The following CDKL5 variants were observed in gnomAD, a reference collection of about 807,000 sequenced individuals.
CDKL5 encodes cyclin dependent kinase like 5.
CDKL5 carries 8 observed loss-of-function variants against 61.7 expected under a neutral mutation model. The observed-to-expected ratio is 0.13, with a 90% CI of 0.08 to 0.23. CDKL5 has a LOEUF of 0.23. Among genes scored for constraint, CDKL5 ranks in the 10% least tolerant of loss-of-function variants. The probability of loss-of-function intolerance (pLI) is 1.00; values close to 1 mark genes in which losing one functional copy is unlikely to be tolerated. For missense variants in CDKL5, 440 were observed against 734.5 expected (o/e 0.60, Z 4.63); for synonymous variants, 275 against 272.3 (o/e 1.01, Z -0.10).
intron 1 of CDKL5, among the ~76,000 whole-genome samples, chrX:18,472,937 G>T (rs1921152525): frequency 9.2e-6 from 1 of 108,341 alleles, no homozygotes; most frequent in African/African-American, 3.4e-5. Context: ...CCTCTCTAGG[G>T]TTGGAGAATC....
intron 5 of CDKL5, among the ~76,000 whole-genome samples, chrX:18,577,855 T>A (rs1230867471): frequency 8.9e-6 from 1 of 112,311 alleles, no homozygotes; most frequent in Non-Finnish European, 1.9e-5. Flanking sequence ...CACCTGTGCA[T>A]TTGGGACCAT....
chrX:18,603,736 C>T lies in CDKL5; in HGVS notation c.978-166C>T, dbSNP rs186317663. ...TTACAGAGTGAGTTGGTCTAAGAAA[C>T]TTAATTGCTGTTGATAGGTTACTTG... On this transcript the variant is annotated intron_variant, in intron 11 of 17. Transcript: ENST00000623535. Among the ~76,000 whole-genome samples the T allele has an allele frequency of 6.2e-5, 7 of 112,507 alleles. No individual in the cohort carries two copies. The East Asian group carries it at 1.7e-3, about 27-fold the overall frequency.
chrX:18,644,663 T>C (rs1230245279), downstream of CDKL5: 2 of 1,176,872 alleles, frequency 1.7e-6, no homozygotes, highest in African/African-American at 3.6e-5. Flanking sequence ...AGACTCCCCC[T>C]GTGCATGTCT....
intron 1 of CDKL5, among the ~76,000 whole-genome samples, chrX:18,470,396 G>GAAAAGAAAAAAAAAAAAAAAA (rs1921050574): frequency 1.1e-5 from 1 of 94,978 alleles, no homozygotes; most frequent in Non-Finnish European, 2.1e-5. Context: ...AAAAAAAGAA[G>GAAAAGAAAAAAAAAAAAAAAA]TAAATGGATG....
rs1491242962 is a variant in CDKL5, at chrX:18,651,264, T to TGTGTGAGAGA, written c.2980+673_2980+674insTGTGAGAGAG. On this transcript the variant is annotated intron_variant, in intron 21 of 21. Coordinates refer to the CDKL5 transcript ENST00000379989. ...GTGTGTGTGTGTGTGTGTGTGTGTG[T>TGTGTGAGAGA]GAGAGAGAGAGAGAGAGAGAGAGAC... Among the ~76,000 whole-genome samples the TGTGTGAGAGA allele has an allele frequency of 1.4e-3, 100 of 69,012 alleles. 2 individuals are homozygous for TGTGTGAGAGA. Among genetic ancestry groups the TGTGTGAGAGA allele is most frequent in the African/African-American group, 6.1e-3 (98 of 15,979 alleles). The allele number at this position is 69,012 out of a possible 115,157, so 59.9% of individuals were successfully genotyped here. A position where few individuals can be genotyped will look rare whatever the true frequency, so the allele number is the denominator to read the frequency against.
intron 3 of CDKL5, among the ~76,000 whole-genome samples, chrX:18,543,479 G>T (rs1924094154): frequency 9.1e-6 from 1 of 110,237 alleles, no homozygotes; most frequent in Non-Finnish European, 1.9e-5. Flanking sequence ...CACGGTCAAG[G>T]ATTTTTAGTC....
chrX:18,609,410 G>A (rs1204448776), intron 13 of CDKL5, 55 bp from the exon 14 acceptor site: 16 of 1,208,309 alleles, frequency 1.3e-5, no homozygotes, highest in Non-Finnish European at 1.8e-5. Flanking sequence ...AAAGTCATAG[G>A]CAATATTGTC....
intron 3 of CDKL5, among the ~76,000 whole-genome samples, chrX:18,561,974 A>G (rs188130080): frequency 4.6e-4 from 52 of 111,912 alleles, no homozygotes; most frequent in Non-Finnish European, 8.3e-4. Context: ...GTAATAATTT[A>G]TATTCAACAA....
intron 3 of CDKL5, among the ~76,000 whole-genome samples, chrX:18,563,681 C>A (rs1314998568): frequency 9.0e-6 from 1 of 111,497 alleles, no homozygotes; most frequent in Non-Finnish European, 1.9e-5. Context: ...AAAGAACAGG[C>A]CTGAGTCATT....
At position 18,619,863 on chromosome X, in the gene CDKL5, T is replaced by C. The variant is rs1064794369; in HGVS notation, c.2277-4T>C. On this transcript the variant is annotated splice_region_variant and splice_polypyrimidine_tract_variant and intron_variant, in intron 15 of 17. Coordinates refer to ENST00000623535, the MANE Select transcript of CDKL5 (RefSeq NM_001323289.2). Reference sequence around the variant, plus strand: ...CAATATGATAAAAATGTCTTCTCATTTAGGAAAAGTCCTGAAAATATTAGT... The same window carrying C: ...CAATATGATAAAAATGTCTTCTCATCTAGGAAAAGTCCTGAAAATATTAGT... 7.1e-6 allele frequency: 8 copies of C among 1,129,352 alleles called. No individual in the cohort carries two copies. Among genetic ancestry groups the C allele is most frequent in the Non-Finnish European group, 9.7e-6 (8 of 824,327 alleles). 93.1% of individuals were successfully genotyped at this position (1,129,352 alleles called of 1,213,427 possible).
At chrX:18,437,533 GT>G (rs1215231975) in intron 1 of CDKL5, among the ~76,000 whole-genome samples, 1 of 111,960 alleles carries the variant, frequency 8.9e-6, no homozygotes, top group Non-Finnish European at 1.9e-5. Flanking sequence ...CTTAGATCTA[GT>G]TTAATATTTC....
chrX:18,451,783 AC>A (rs751110354), intron 1 of CDKL5, among the ~76,000 whole-genome samples: 1 of 110,315 alleles, frequency 9.1e-6, no homozygotes, highest in East Asian at 2.9e-4. Context: ...AAAATGATCC[AC>A]TTGCCTCGGC....
At chrX:18,560,718 T>C (rs1924772663) in intron 3 of CDKL5, among the ~76,000 whole-genome samples, 1 of 110,709 alleles carries the variant, frequency 9.0e-6, no homozygotes, top group African/African-American at 3.3e-5. Context: ...ACGTTTAAGG[T>C]TGCTATAAGA....
In CDKL5 at chrX:18,546,022, G is replaced by C. The variant is rs1190337022; in HGVS notation, c.100-18455G>C. Among the ~76,000 whole-genome samples the C allele has an allele frequency of 2.7e-5, 3 of 110,961 alleles. No individual in the cohort carries two copies. In the East Asian group the frequency reaches 8.5e-4, roughly 31 times the overall value. On this transcript the variant is annotated intron_variant, in intron 3 of 17. Coordinates refer to ENST00000623535, the MANE Select transcript of CDKL5 (RefSeq NM_001323289.2). ...TCCTGTTGGTTGTTTGGGGTAAAGG[G>C]TGAGAAGGGCATGATCAGTGATTAC... is the stretch of plus-strand genomic sequence containing the variant.
chrX:18,512,468 G>A lies in CDKL5; in HGVS notation c.99+1614G>A, dbSNP rs186986127. On this transcript the variant is annotated intron_variant, in intron 3 of 17. Coordinates refer to ENST00000623535, the MANE Select transcript of CDKL5 (RefSeq NM_001323289.2). ...AATACTACCTGCCTTTTGAATTTAA[G>A]CCTTCGTGACACTTAATATATTTTT... 5.8e-3 allele frequency among the ~76,000 whole-genome samples: 645 copies of A among 110,925 alleles called. 8 individuals carry two copies. Among genetic ancestry groups the A allele is most frequent in the African/African-American group, 0.019 (595 of 30,718 alleles).
At chrX:18,602,160 G>A (rs747587284) in intron 11 of CDKL5, among the ~76,000 whole-genome samples, 12 of 111,961 alleles carry the variant, frequency 1.1e-4, no homozygotes, top group South Asian at 7.5e-4. Flanking sequence ...GCTAGGAAGC[G>A]TGGGTGACAA....
chrX:18,602,158 G>C (rs1435715909), intron 11 of CDKL5, among the ~76,000 whole-genome samples: 1 of 111,943 alleles, frequency 8.9e-6, no homozygotes, highest in African/African-American at 3.2e-5. Context: ...TGGCTAGGAA[G>C]CGTGGGTGAC....
chrX:18,556,751 C>T (rs1340198848), intron 3 of CDKL5, among the ~76,000 whole-genome samples: 2 of 109,932 alleles, frequency 1.8e-5, no homozygotes, highest in African/African-American at 3.3e-5. Context: ...GGCGTGGTGG[C>T]GTGTGCCTAC....
At chrX:18,511,068 C>T (rs951497747) in intron 3 of CDKL5, among the ~76,000 whole-genome samples, 18 of 111,206 alleles carry the variant, frequency 1.6e-4, no homozygotes, top group African/African-American at 5.9e-4. Context: ...ACACAAAATT[C>T]ATTTATGTTT....
Sources: allele counts gnomAD v4.1 joint callset (sites outside exome capture counted in the v4.1 genomes callset), GRCh38; gene constraint gnomAD v4.1.1; transcripts MANE v1.5; gene names NCBI Gene and HGNC (gene_info 2026-07-23, HGNC 2026-07-21).